The following EXOC4 variants were observed in gnomAD, a reference collection of about 807,000 sequenced individuals.
The protein encoded by EXOC4 is exocyst complex component 4, also known as SEC8-like 1.
In EXOC4, 71 loss-of-function variants were observed where a neutral mutation model predicts 107.2. That is an observed-to-expected ratio of 0.66 (90% confidence interval 0.55 to 0.81). The LOEUF (loss-of-function observed/expected upper bound fraction) is 0.81. Ranked by LOEUF, EXOC4 falls within the 30% of genes least tolerant of loss-of-function variation. The pLI is 0.00. For missense variants in EXOC4, 1,108 were observed against 1,189.6 expected, an observed-to-expected ratio of 0.93 and a Z score of 1.01; for synonymous variants, 456 against 441.2, an observed-to-expected ratio of 1.03 and a Z score of -0.42.
chr7:133,800,722 G>A (rs759089085), intron 10 of EXOC4, among the ~76,000 whole-genome samples: 21 of 152,172 alleles, frequency 1.4e-4, no homozygotes, highest in Non-Finnish European at 2.6e-4. Context: ...TCAAAGTTTA[G>A]ATGACCCAAG....
At chr7:133,758,425 C>T (rs1166071108) in intron 10 of EXOC4, among the ~76,000 whole-genome samples, 2 of 152,202 alleles carry the variant, frequency 1.3e-5, no homozygotes, top group African/African-American at 2.4e-5. Context: ...AGGCATGAGC[C>T]ACCGTGCCCG....
In EXOC4 at chr7:133,979,584, G is replaced by A. The variant is rs563677823; in HGVS notation, c.2207-17908G>A. On this transcript the variant is annotated intron_variant, in intron 14 of 17. Transcript: ENST00000253861. ...AGGTGGATCACAAGGTCAAGAGATC[G>A]AGATCATCCTGGCTAACATGGCAAA... is the stretch of plus-strand genomic sequence containing the variant. 4.8e-3 allele frequency among the ~76,000 whole-genome samples: 732 copies of A among 152,190 alleles called. 8 individuals are homozygous for A. Among genetic ancestry groups the A allele is most frequent in the African/African-American group, 0.017 (696 of 41,516 alleles).
At chr7:133,512,602 T>TCAATGCG (rs1354624344) in intron 9 of EXOC4, among the ~76,000 whole-genome samples, 1 of 151,844 alleles carries the variant, frequency 6.6e-6, no homozygotes, top group Non-Finnish European at 1.5e-5. Flanking sequence ...AAGAAGAAGA[T>TCAATGCG]CAATGCGCAC....
At chr7:133,484,017 G>A (rs759156579) in intron 9 of EXOC4, 9 of 1,613,700 alleles carry the variant, frequency 5.6e-6, no homozygotes, top group South Asian at 3.3e-5. Context: ...CGGTTCATAC[G>A]TCAACTTTTC....
chr7:133,836,492 T>TG (rs1364819824), intron 11 of EXOC4, among the ~76,000 whole-genome samples: 1 of 152,158 alleles, frequency 6.6e-6, no homozygotes, highest in Non-Finnish European at 1.5e-5. Flanking sequence ...CACCGACACT[T>TG]GTACTGTAAA....
intron 9 of EXOC4, among the ~76,000 whole-genome samples, chr7:133,501,942 A>G (rs1799583529): frequency 6.6e-6 from 1 of 152,300 alleles, no homozygotes; most frequent in East Asian, 1.9e-4. Flanking sequence ...AGGCTATCCA[A>G]TCAAGGAGGG....
chr7:133,310,587 G>T (rs1192240921), intron 4 of EXOC4, among the ~76,000 whole-genome samples: 2 of 152,164 alleles, frequency 1.3e-5, no homozygotes, highest in African/African-American at 2.4e-5. Flanking sequence ...GTATAATCAG[G>T]CTCTAAAGCC....
chr7:133,547,974 C>T (rs761061247), intron 9 of EXOC4, among the ~76,000 whole-genome samples: 18 of 151,768 alleles, frequency 1.2e-4, no homozygotes, highest in Admixed American at 2.6e-4. Flanking sequence ...TTACTTTGCC[C>T]GGATCCATCA....
At chr7:133,834,930 G>A (rs1469162745) in intron 11 of EXOC4, among the ~76,000 whole-genome samples, 2 of 152,084 alleles carry the variant, frequency 1.3e-5, no homozygotes, top group African/African-American at 4.8e-5. Flanking sequence ...ACTCATGATA[G>A]TGAATGAGTC....
Position 133,725,810 on chromosome 7 carries a change from T to C in EXOC4, c.1515-91515T>C, listed in dbSNP as rs140932809. Among the ~76,000 whole-genome samples, 362 of 152,308 alleles carry C rather than the reference T, an allele frequency of 2.4e-3. 5 individuals are homozygous for C. Among genetic ancestry groups the C allele is most frequent in the African/African-American group, 8.1e-3 (338 of 41,556 alleles). On this transcript the variant is annotated intron_variant, in intron 10 of 17. Transcript: ENST00000253861. Reference sequence around the variant, plus strand: ...TCAGATTTGGCCCATAGGTTGTTGTTTACCAACTCCTGGTGTGAATGAGAG... The same window carrying C: ...TCAGATTTGGCCCATAGGTTGTTGTCTACCAACTCCTGGTGTGAATGAGAG...
chr7:133,256,470 G>C (rs1795021758), intron 1 of EXOC4, among the ~76,000 whole-genome samples: 1 of 152,178 alleles, frequency 6.6e-6, no homozygotes, highest in South Asian at 2.1e-4. Context: ...CCGGGTACCT[G>C]CTAGCTCCTT....
chr7:133,313,720 G>A (rs1328802209), intron 4 of EXOC4, among the ~76,000 whole-genome samples: 1 of 152,184 alleles, frequency 6.6e-6, no homozygotes, highest in Non-Finnish European at 1.5e-5. Context: ...CTAACATTTA[G>A]AAGCAGAGCT....
intron 10 of EXOC4, among the ~76,000 whole-genome samples, chr7:133,728,515 G>T (rs1795262232): frequency 6.6e-6 from 1 of 152,108 alleles, no homozygotes; most frequent in South Asian, 2.1e-4. Flanking sequence ...ATTTAAGTTG[G>T]ATTTTCTGTC....
intron 7 of EXOC4, among the ~76,000 whole-genome samples, chr7:133,443,147 C>T (rs1798141740): frequency 6.6e-6 from 1 of 152,150 alleles, no homozygotes; most frequent in Non-Finnish European, 1.5e-5. Context: ...GCTTTTTCTT[C>T]ACATCTTCTT....
At chr7:133,580,002 T>C (rs1801217487) in intron 9 of EXOC4, among the ~76,000 whole-genome samples, 1 of 152,152 alleles carries the variant, frequency 6.6e-6, no homozygotes, top group Non-Finnish European at 1.5e-5. Context: ...GCCCACAATA[T>C]TACTTTCTAT....
intron 9 of EXOC4, among the ~76,000 whole-genome samples, chr7:133,586,407 C>T (rs1478728871): frequency 6.6e-6 from 1 of 152,194 alleles, no homozygotes; most frequent in Non-Finnish European, 1.5e-5. Flanking sequence ...TGACCTCCAG[C>T]TCCATCCATG....
chr7:133,956,540 C>T (rs1800823530), intron 14 of EXOC4, among the ~76,000 whole-genome samples: 1 of 152,204 alleles, frequency 6.6e-6, no homozygotes, highest in South Asian at 2.1e-4. Context: ...CTAGCCAGAG[C>T]TCCTCAAGTA....
intron 10 of EXOC4, among the ~76,000 whole-genome samples, chr7:133,778,337 A>G (rs953352277): frequency 1.3e-5 from 2 of 152,202 alleles, no homozygotes; most frequent in African/African-American, 2.4e-5. Flanking sequence ...GGTCACACCT[A>G]TAATCGAAGA....
At chr7:133,628,070 A>G (rs1802499992) in intron 9 of EXOC4, among the ~76,000 whole-genome samples, 1 of 127,558 alleles carries the variant, frequency 7.8e-6, no homozygotes, top group South Asian at 2.9e-4. Flanking sequence ...CTCAGAAAGA[A>G]AATGTTTAAT....
Sources: allele counts gnomAD v4.1 joint callset (sites outside exome capture counted in the v4.1 genomes callset), GRCh38; gene constraint gnomAD v4.1.1; transcripts MANE v1.5; gene names NCBI Gene and HGNC (gene_info 2026-07-23, HGNC 2026-07-21).